KDM6A: variants seen among roughly 807,000 people sequenced by gnomAD.
KDM6A encodes the protein lysine demethylase 6A.
A neutral mutation model predicts 117.6 loss-of-function variants in KDM6A; 11 were observed. That is an observed-to-expected ratio of 0.09 (90% CI 0.06 to 0.15). The LOEUF is 0.15. Among genes scored for constraint, KDM6A ranks in the 10% least tolerant of loss-of-function variants. KDM6A has a pLI of 1.00. For missense variants in KDM6A, 799 were observed against 1,077.3 expected (o/e 0.74, Z 3.62); for synonymous variants, 384 against 396.1 (o/e 0.97, Z 0.36).
intron 27 of KDM6A, among the ~76,000 whole-genome samples, chrX:45,094,845 T>C (rs1231719826): frequency 9.0e-6 from 1 of 111,544 alleles, no homozygotes; most frequent in Non-Finnish European, 1.9e-5. Flanking sequence ...TTGTCCATAA[T>C]TGGTGGTATG....
rs186050660 is a variant in KDM6A at position 44,915,891 on chromosome X, C to A, written c.225+41904C>A. On this transcript the variant is annotated intron_variant, in intron 2 of 29. Coordinates refer to ENST00000611820, the MANE Select transcript of KDM6A (RefSeq NM_001291415.2). Reference sequence around the variant, plus strand: ...ACAAAGATAAGCCATGAAGTGCTTCCTTTTAATGAACAGGAGAAAGTACTT... The same window carrying A: ...ACAAAGATAAGCCATGAAGTGCTTCATTTTAATGAACAGGAGAAAGTACTT... Among the ~76,000 whole-genome samples the A allele has an allele frequency of 7.2e-5, 8 of 111,022 alleles. No individual in the cohort carries two copies. The East Asian group carries it at 2.3e-3, about 31-fold the overall frequency.
intron 8 of KDM6A, 57 bp downstream of exon 8, chrX:45,037,746 A>G (rs1321463881): frequency 1.2e-5 from 11 of 909,271 alleles, no homozygotes; most frequent in South Asian, 4.0e-5. Flanking sequence ...CATTACTCCT[A>G]TCATGCTTTA....
intron 4 of KDM6A, among the ~76,000 whole-genome samples, chrX:45,003,132 C>T (rs1421438825): frequency 1.8e-5 from 2 of 110,721 alleles, no homozygotes; most frequent in Non-Finnish European, 3.8e-5. Context: ...TGAGTGCAAA[C>T]AGCTCCCATA....
chrX:44,887,885 G>A (rs1024083083), intron 2 of KDM6A, among the ~76,000 whole-genome samples: 2 of 111,559 alleles, frequency 1.8e-5, no homozygotes, highest in Non-Finnish European at 3.8e-5. Flanking sequence ...GCATTCGTTT[G>A]TAGTTCCAGC....
rs3961692 is a variant in KDM6A, at chrX:45,048,251, G to A, written c.655-3458G>A. On this transcript the variant is annotated intron_variant, in intron 8 of 29. Transcript: ENST00000611820. ...ATTTTCTTTTCTTTTGAATATAGGT[G>A]AAATTTTCCTGATCTTCATAAGTTT... Among the ~76,000 whole-genome samples the A allele has an allele frequency of 7.6e-3, 832 of 108,870 alleles. 14 individuals carry two copies. Among genetic ancestry groups the A allele is most frequent in the African/African-American group, 0.027 (800 of 29,822 alleles). 94.5% of individuals were successfully genotyped at this position (108,870 alleles called of 115,157 possible).
chrX:45,058,918 A>G, intron 10 of KDM6A, 88 bp from the exon 11 acceptor site: 1 of 819,408 alleles, frequency 1.2e-6, no homozygotes, highest in Non-Finnish European at 1.8e-6. Context: ...ATTTGCTGTG[A>G]TATATAGTCC....
intron 4 of KDM6A, among the ~76,000 whole-genome samples, chrX:45,008,514 C>T (rs774844595): frequency 8.9e-5 from 10 of 111,881 alleles, no homozygotes; most frequent in Non-Finnish European, 1.7e-4. Flanking sequence ...CCCCACACCC[C>T]CATTGTCTTT....
intron 24 of KDM6A, 24 bp from the exon 25 acceptor site, chrX:45,085,841 A>AT (rs752470690): frequency 4.1e-5 from 41 of 1,010,712 alleles, no homozygotes; most frequent in African/African-American, 3.8e-4. Flanking sequence ...TGGAGCTCCA[A>AT]TTTTTTTTCT....
intron 3 of KDM6A, among the ~76,000 whole-genome samples, chrX:44,973,316 C>T (rs2147255353): frequency 9.0e-6 from 1 of 111,160 alleles, no homozygotes; most frequent in East Asian, 2.8e-4. Context: ...CTTGGGTATT[C>T]CCATGGCCTC....
At chrX:44,994,002 T>C (rs992781871) in intron 4 of KDM6A, among the ~76,000 whole-genome samples, 3 of 112,139 alleles carry the variant, frequency 2.7e-5, no homozygotes, top group Non-Finnish European at 3.8e-5. Context: ...TCTTCAAATA[T>C]TGCCTGTGTT....
chrX:44,874,076 T>C, intron 2 of KDM6A, 89 bp downstream of exon 2: 1 of 869,782 alleles, frequency 1.1e-6, no homozygotes, highest in East Asian at 3.3e-5. Context: ...CTGTGCTCAT[T>C]GTGGCCACGG....
At chrX:44,990,108 AAC>A (rs1049618027) in intron 4 of KDM6A, among the ~76,000 whole-genome samples, 5 of 112,439 alleles carry the variant, frequency 4.4e-5, no homozygotes, top group African/African-American at 1.3e-4. Context: ...ATGCGTTTGC[AAC>A]AGTTAGCACT....
rs7882917 is a variant in KDM6A, at chrX:45,041,699, C to T, written c.654+4010C>T. 7.2e-3 allele frequency among the ~76,000 whole-genome samples: 776 copies of T among 108,234 alleles called. 7 individuals carry two copies. The highest frequency in any genetic ancestry group is 0.035 in the Middle Eastern group (7 of 198). 94.0% of individuals were successfully genotyped at this position (108,234 alleles called of 115,157 possible). On this transcript the variant is annotated intron_variant, in intron 8 of 29. Coordinates refer to ENST00000611820, the MANE Select transcript of KDM6A (RefSeq NM_001291415.2). ...CCTCACTTCCTAGATGGGATGGCGG[C>T]GGGGAAGAGGCGCTCCTCGCTTCCT... is the stretch of plus-strand genomic sequence containing the variant.
At chrX:44,940,034 A>G (rs1441334756) in intron 2 of KDM6A, among the ~76,000 whole-genome samples, 1 of 111,873 alleles carries the variant, frequency 8.9e-6, no homozygotes, top group African/African-American at 3.3e-5. Flanking sequence ...GTATGCTTGT[A>G]CTATCAGTTA....
intron 4 of KDM6A, among the ~76,000 whole-genome samples, chrX:44,988,639 C>T (rs183076204): frequency 0.012 from 1,321 of 111,540 alleles, 24 homozygotes; most frequent in African/African-American, 0.041. Flanking sequence ...TCAGGACCCT[C>T]AGCTGCAGGT....
chrX:45,047,009 T>TGGTGGTGGTGGTGGTGGTGGTGG (rs2043568700), intron 8 of KDM6A, among the ~76,000 whole-genome samples: 1 of 110,742 alleles, frequency 9.0e-6, no homozygotes, highest in African/African-American at 3.3e-5. Context: ...GTGGTGGTGG[T>TGGTGGTGGTGGTGGTGGTGGTGG]TTGGAGTGTC....
chrX:44,952,460 G>A (rs1214334800), intron 2 of KDM6A, among the ~76,000 whole-genome samples: 2 of 109,558 alleles, frequency 1.8e-5, no homozygotes, highest in Admixed American at 9.8e-5. Flanking sequence ...TTTAGTAGAG[G>A]CAGGTTTTCA....
At chrX:44,956,512 G>A (rs2038335865) in intron 2 of KDM6A, among the ~76,000 whole-genome samples, 1 of 110,197 alleles carries the variant, frequency 9.1e-6, no homozygotes, top group Non-Finnish European at 1.9e-5. Context: ...CCATCCTCCC[G>A]CTTCAAGCTT....
chrX:45,022,045 T>A (rs1013565403), intron 6 of KDM6A, among the ~76,000 whole-genome samples: 10 of 112,432 alleles, frequency 8.9e-5, no homozygotes, highest in African/African-American at 2.9e-4. Context: ...TTCACATGCT[T>A]ATTATGTTGC....
Sources: allele counts gnomAD v4.1 joint callset (sites outside exome capture counted in the v4.1 genomes callset), GRCh38; gene constraint gnomAD v4.1.1; transcripts MANE v1.5; gene names NCBI Gene and HGNC (gene_info 2026-07-23, HGNC 2026-07-21).